Variants in NFIB observed in about 807,000 individuals in gnomAD.
NFIB encodes the protein nuclear factor I B.
Under a neutral mutation model 61.5 loss-of-function variants are expected in NFIB, and 11 were observed. That is an observed-to-expected ratio of 0.18 (90% CI 0.11 to 0.30). NFIB has a LOEUF of 0.30. NFIB is among the 10% of genes least tolerant of loss of function. The probability of loss-of-function intolerance (pLI) is 1.00; values close to 1 mark genes in which losing one functional copy is unlikely to be tolerated. For missense variants in NFIB, 471 were observed against 608.9 expected (o/e 0.77, Z 2.38); for synonymous variants, 260 against 216.5 (o/e 1.20, Z -1.76).
At chr9:14,241,318 C>T (rs559775864) in intron 2 of NFIB, among the ~76,000 whole-genome samples, 1 of 152,264 alleles carries the variant, frequency 6.6e-6, no homozygotes, top group African/African-American at 2.4e-5. Flanking sequence ...TCAGTATCAA[C>T]ATCCATATCT....
intron 1 of NFIB, among the ~76,000 whole-genome samples, chr9:14,335,552 C>G (rs2060876311): frequency 6.6e-6 from 1 of 152,154 alleles, no homozygotes; most frequent in Non-Finnish European, 1.5e-5. Context: ...TGTTTTCTTA[C>G]TGAATTTTTA....
At chr9:14,108,316 T>C (rs1189362622) in intron 10 of NFIB, among the ~76,000 whole-genome samples, 1 of 152,090 alleles carries the variant, frequency 6.6e-6, no homozygotes, top group African/African-American at 2.4e-5. Flanking sequence ...CTCTAATAAA[T>C]GACTACCTTT....
At chr9:14,412,861 A>C in the NFIB span, among the ~76,000 whole-genome samples, 1 of 152,160 alleles carries the variant, frequency 6.6e-6, no homozygotes, top group Non-Finnish European at 1.5e-5. Context: ...GTTTGTTCAG[A>C]GGAGGCTAAA....
chr9:14,338,617 T>A (rs999842916), intron 1 of NFIB, among the ~76,000 whole-genome samples: 52 of 152,126 alleles, frequency 3.4e-4, no homozygotes, highest in African/African-American at 1.3e-3. Flanking sequence ...TCAGCAAAGA[T>A]TAAACCAGAA....
chr9:14,195,992 C>T (rs2048426449), intron 2 of NFIB, among the ~76,000 whole-genome samples: 1 of 151,928 alleles, frequency 6.6e-6, no homozygotes, highest in Admixed American at 6.6e-5. Context: ...AATAAATTAG[C>T]TGATATGATC....
chr9:14,102,954 T>C (rs1186000226), intron 10 of NFIB, among the ~76,000 whole-genome samples: 1 of 152,136 alleles, frequency 6.6e-6, no homozygotes, highest in Non-Finnish European at 1.5e-5. Flanking sequence ...AGACATGCAG[T>C]TTAGAGGAGA....
At chr9:14,422,328 A>G in the NFIB span, among the ~76,000 whole-genome samples, 2 of 152,188 alleles carry the variant, frequency 1.3e-5, no homozygotes, top group African/African-American at 4.8e-5. Flanking sequence ...AATTATTAGC[A>G]GTCCATGAAT....
chr9:14,140,461 A>G (rs2041560231), intron 6 of NFIB, among the ~76,000 whole-genome samples: 1 of 152,176 alleles, frequency 6.6e-6, no homozygotes, highest in Non-Finnish European at 1.5e-5. Context: ...AACTTAATAA[A>G]CATGTTCAGT....
chr9:14,493,118 C>G, the NFIB span, among the ~76,000 whole-genome samples: 1 of 152,164 alleles, frequency 6.6e-6, no homozygotes, highest in Non-Finnish European at 1.5e-5. Flanking sequence ...TAAGGCAGTG[C>G]TCTCTCTCTT....
At chr9:14,116,464 C>G (rs1006890380) in intron 8 of NFIB, 118 bp from the exon 9 acceptor site, 2 of 1,070,138 alleles carry the variant, frequency 1.9e-6, no homozygotes, top group African/African-American at 3.3e-5. Context: ...AGGCGCCACA[C>G]AGGCCCTCTC....
At chr9:14,472,067 G>C in the NFIB span, among the ~76,000 whole-genome samples, 6 of 152,196 alleles carry the variant, frequency 3.9e-5, no homozygotes, top group African/African-American at 1.4e-4. Flanking sequence ...GTAGAAATAG[G>C]AAAGATGAGA....
chr9:14,255,097 CCTG>C (rs374559732), intron 2 of NFIB, among the ~76,000 whole-genome samples: 7 of 152,204 alleles, frequency 4.6e-5, no homozygotes, highest in African/African-American at 1.7e-4. Flanking sequence ...GTGGCGCATA[CCTG>C]TAGTCCCAGT....
At chr9:14,353,513 T>C (rs1233502808) in intron 1 of NFIB, among the ~76,000 whole-genome samples, 1 of 152,030 alleles carries the variant, frequency 6.6e-6, no homozygotes, top group African/African-American at 2.4e-5. Flanking sequence ...AAGCAGAAAA[T>C]GGCTTTAAGG....
chr9:14,095,644 A>G (rs930120171), intron 10 of NFIB, among the ~76,000 whole-genome samples: 5 of 152,184 alleles, frequency 3.3e-5, no homozygotes, highest in African/African-American at 4.8e-5. Flanking sequence ...TAAATCAAAT[A>G]GAAATATAAG....
At chr9:14,163,970 T>G (rs945464522) in intron 3 of NFIB, among the ~76,000 whole-genome samples, 1 of 150,500 alleles carries the variant, frequency 6.6e-6, no homozygotes, top group Non-Finnish European at 1.5e-5. Context: ...AAAAGGGAAA[T>G]TATAAACTAT....
chr9:14,221,878 A>G (rs1291676234), intron 2 of NFIB, among the ~76,000 whole-genome samples: 1 of 152,144 alleles, frequency 6.6e-6, no homozygotes, highest in African/African-American at 2.4e-5. Context: ...TAACTATGTC[A>G]TTTTCCCTTT....
intron 2 of NFIB, among the ~76,000 whole-genome samples, chr9:14,274,310 TAAG>T (rs926893157): frequency 1.5e-5 from 2 of 131,708 alleles, no homozygotes; most frequent in Admixed American, 8.0e-5. Context: ...CCATTAATAT[TAAG>T]AACAGTCTTC....
At chr9:14,319,188 T>TG (rs1456275512) in intron 1 of NFIB, among the ~76,000 whole-genome samples, 35 of 151,196 alleles carry the variant, frequency 2.3e-4, no homozygotes, top group Middle Eastern at 3.4e-3. Flanking sequence ...ACTCCACTGT[T>TG]TAAAAAAAAA....
intron 2 of NFIB, among the ~76,000 whole-genome samples, chr9:14,279,275 A>G (rs2058210428): frequency 6.6e-6 from 1 of 152,212 alleles, no homozygotes; most frequent in African/African-American, 2.4e-5. Flanking sequence ...CGATAATAAG[A>G]GGATATTACA....
Sources: allele counts gnomAD v4.1 joint callset (sites outside exome capture counted in the v4.1 genomes callset), GRCh38; gene constraint gnomAD v4.1.1; transcripts MANE v1.5; gene names NCBI Gene and HGNC (gene_info 2026-07-23, HGNC 2026-07-21).